The following STK3 variants were observed in gnomAD, a reference collection of about 807,000 sequenced individuals.
STK3 encodes serine/threonine kinase 3.
A neutral mutation model predicts 58.0 loss-of-function variants in STK3; 41 were observed. The ratio of observed to expected loss-of-function variants is 0.71; its 90% CI spans 0.55 to 0.92. STK3 has a LOEUF of 0.92. STK3 is among the 40% of genes least tolerant of loss of function. The pLI is 0.00. For missense variants in STK3, 479 were observed against 602.7 expected (o/e 0.79, Z 2.15); for synonymous variants, 170 against 191.0 (o/e 0.89, Z 0.91).
At chr8:98,884,849 C>A (rs1005658450) in intron 1 of STK3, among the ~76,000 whole-genome samples, 2 of 152,154 alleles carry the variant, frequency 1.3e-5, no homozygotes, top group Non-Finnish European at 2.9e-5. Flanking sequence ...GTGTTTAGCA[C>A]ATATTATGTC....
the STK3 span, among the ~76,000 whole-genome samples, chr8:98,347,296 C>T: frequency 1.8e-4 from 28 of 151,930 alleles, no homozygotes; most frequent in East Asian, 4.6e-3. Context: ...GGGCGGATCA[C>T]GAGGTCAGGA....
chr8:98,585,234 A>C (rs9693181), intron 7 of STK3, among the ~76,000 whole-genome samples: 2,658 of 151,934 alleles, frequency 0.017, 73 homozygotes, highest in African/African-American at 0.061. Flanking sequence ...TTTAGGTCTA[A>C]CGTTTAAGTC....
chr8:98,671,076 G>A (rs973811691), intron 6 of STK3, among the ~76,000 whole-genome samples: 4 of 151,666 alleles, frequency 2.6e-5, no homozygotes, highest in African/African-American at 9.8e-5. Context: ...AAATGTTAAA[G>A]GAAAAGTCAA....
At chr8:98,632,934 T>G (rs905596502) in intron 6 of STK3, among the ~76,000 whole-genome samples, 4 of 152,178 alleles carry the variant, frequency 2.6e-5, no homozygotes, top group African/African-American at 9.6e-5. Context: ...GAAAATTATG[T>G]ACCCCAAATT....
intron 1 of STK3, among the ~76,000 whole-genome samples, chr8:98,893,480 A>AAG (rs1564087197): frequency 0.012 from 798 of 67,728 alleles, 1 homozygote; most frequent in African/African-American, 0.015. Flanking sequence ...GAAAGAAAGA[A>AAG]AGAAAGAGAA....
chr8:98,875,342 G>A (rs1564076704), intron 3 of STK3: 1 of 152,200 alleles, frequency 6.6e-6, no homozygotes, highest in Non-Finnish European at 1.5e-5. Context: ...CTTGTCTTGA[G>A]TTGGAGCTCC....
At chr8:98,638,160 A>G (rs1819758160) in intron 6 of STK3, among the ~76,000 whole-genome samples, 1 of 152,182 alleles carries the variant, frequency 6.6e-6, no homozygotes, top group Non-Finnish European at 1.5e-5. Context: ...GCTTTCATAC[A>G]AAAAACCTAC....
intron 7 of STK3, among the ~76,000 whole-genome samples, chr8:98,582,143 T>C (rs1266150587): frequency 6.6e-6 from 1 of 152,178 alleles, no homozygotes; most frequent in Non-Finnish European, 1.5e-5. Context: ...GATAGGTTGA[T>C]CTGCAGTAAT....
chr8:98,822,407 C>T (rs1834965670), intron 1 of STK3, among the ~76,000 whole-genome samples: 1 of 152,130 alleles, frequency 6.6e-6, no homozygotes, highest in African/African-American at 2.4e-5. Context: ...CACTGCTGGG[C>T]TCAAGCAATC....
At chr8:98,738,910 G>A (rs887191144) in intron 4 of STK3, among the ~76,000 whole-genome samples, 10 of 152,252 alleles carry the variant, frequency 6.6e-5, no homozygotes, top group African/African-American at 2.2e-4. Context: ...TTTCCGACGC[G>A]CTTAAAAAAC....
intron 2 of STK3, among the ~76,000 whole-genome samples, chr8:98,770,780 A>G (rs1329281064): frequency 6.6e-6 from 1 of 152,362 alleles, no homozygotes; most frequent in South Asian, 2.1e-4. Context: ...AGTTTAATAG[A>G]TAACAGGATC....
At chr8:98,818,103 G>C (rs1317829336) in intron 1 of STK3, among the ~76,000 whole-genome samples, 1 of 152,084 alleles carries the variant, frequency 6.6e-6, no homozygotes, top group Non-Finnish European at 1.5e-5. Context: ...CCCCCTGCCT[G>C]GAATACTTTT....
Position 98,798,392 on chromosome 8 carries a change from A to G in STK3, c.27-23573T>C, listed in dbSNP as rs369158278. Among the ~76,000 whole-genome samples the G allele has an allele frequency of 1.7e-3, 257 of 152,296 alleles. 1 individual carries two copies. The highest frequency in any genetic ancestry group is 3.3e-3 in the South Asian group (16 of 4,828). On this transcript the variant is annotated intron_variant, in intron 1 of 10. Coordinates refer to ENST00000419617, the MANE Select transcript of STK3 (RefSeq NM_006281.4). ...ACAGAGTTTCATCTGTCTTTGACAT[A>G]TTGTGAATTTTAACACCTCAGAATA...
chr8:98,353,601 T>A, the STK3 span, among the ~76,000 whole-genome samples: 1 of 152,206 alleles, frequency 6.6e-6, no homozygotes, highest in Non-Finnish European at 1.5e-5. Flanking sequence ...TATTTCAAAA[T>A]CCAAAAAACT....
At chr8:98,356,539 T>C in the STK3 span, among the ~76,000 whole-genome samples, 1 of 152,186 alleles carries the variant, frequency 6.6e-6, no homozygotes, top group Non-Finnish European at 1.5e-5. Context: ...CTGAGGAGTC[T>C]GGAAAGCTAA....
Position 98,495,242 on chromosome 8 carries a change from G to A in STK3, c.1317+31500C>T, listed in dbSNP as rs570548368. Among the ~76,000 whole-genome samples the A allele has an allele frequency of 3.9e-5, 6 of 152,228 alleles. No homozygotes were observed. The East Asian group carries it at 7.7e-4, about 20-fold the overall frequency. On this transcript the variant is annotated intron_variant, in intron 10 of 10. Coordinates refer to ENST00000419617, the MANE Select transcript of STK3 (RefSeq NM_006281.4). ...GCCAAGCAACATAGTAAATGTTCAC[G>A]TTTCAAACAGGAGGAATACATTTTA...
intron 6 of STK3, among the ~76,000 whole-genome samples, chr8:98,649,541 T>A (rs1193980649): frequency 6.6e-6 from 1 of 152,186 alleles, no homozygotes; most frequent in Non-Finnish European, 1.5e-5. Flanking sequence ...AACAGATAAT[T>A]CCAAATGCAT....
intron 10 of STK3, among the ~76,000 whole-genome samples, chr8:98,502,438 C>T (rs1029777863): frequency 5.9e-5 from 9 of 152,144 alleles, no homozygotes; most frequent in African/African-American, 2.2e-4. Flanking sequence ...ACTTCCAACA[C>T]TATGTTGAAT....
chr8:98,654,873 T>C (rs944366534), intron 6 of STK3, among the ~76,000 whole-genome samples: 10 of 151,912 alleles, frequency 6.6e-5, no homozygotes, highest in Non-Finnish European at 1.3e-4. Flanking sequence ...TGCTCATGGG[T>C]AGGAAGAATC....
Sources: gnomAD v4.1 joint callset for allele counts (sites outside exome capture counted in the v4.1 genomes callset) on GRCh38, gnomAD v4.1.1 for gene constraint, MANE v1.5 for transcripts, NCBI Gene and HGNC (gene_info 2026-07-23, HGNC 2026-07-21) for gene names.